Variants in FIG4 observed in about 807,000 individuals in gnomAD.
The protein encoded by FIG4 is polyphosphoinositide phosphatase.
In FIG4, 112 loss-of-function variants were observed where a neutral mutation model predicts 118.6. That is an observed-to-expected ratio of 0.94 (90% CI 0.81 to 1.11). FIG4 has a LOEUF of 1.11. Ranked by LOEUF, FIG4 falls within the 50% of genes least tolerant of loss-of-function variation. The pLI, the probability that FIG4 is intolerant of heterozygous loss-of-function variation, is 0.00. For missense variants in FIG4, 969 were observed against 1,111.7 expected, an observed-to-expected ratio of 0.87 and a Z score of 1.83; for synonymous variants, 369 against 381.2, an observed-to-expected ratio of 0.97 and a Z score of 0.37.
At chr6:109,716,190 C>A (rs574650253) in intron 2 of FIG4, among the ~76,000 whole-genome samples, 2 of 152,134 alleles carry the variant, frequency 1.3e-5, no homozygotes, top group Non-Finnish European at 2.9e-5. Flanking sequence ...TCCCTTAAAT[C>A]TCTGCATCTC....
At chr6:109,760,542 AT>A (rs1049508840) in intron 11 of FIG4, among the ~76,000 whole-genome samples, 159 bp downstream of exon 11, 4 of 151,474 alleles carry the variant, frequency 2.6e-5, no homozygotes, top group South Asian at 4.2e-4. Flanking sequence ...CTAACCAAAC[AT>A]TTTTTTTTCT....
chr6:109,762,170 C>T lies in FIG4; in HGVS notation c.1351C>T (p.Pro451Ser), dbSNP rs766437033. 4.3e-6 allele frequency: 7 copies of T among 1,612,524 alleles called. No individual in the cohort carries two copies. Among genetic ancestry groups the T allele is most frequent in the Non-Finnish European group, 5.9e-6 (7 of 1,178,644 alleles). ...VKKTGFFVNR[P>S]DSYCSILRPD... The stretch of plus-strand genomic sequence containing the variant: ...GAAAACAGGTTTCTTTGTAAACCGC[C>T]CTGATTCTTACTGTAGCATTTTGCG... Residue 451 changes from proline (P) to serine (S), a missense_variant, in exon 12 of 23, where the codon CCT (proline) becomes TCT (serine). Physicochemically the swap from Pro to Ser is moderately conservative, Grantham distance 74. This residue lies in a region of FIG4 where 246 missense variants were observed against 354.3 expected (regional missense o/e 0.69). Coordinates refer to ENST00000230124, the MANE Select transcript of FIG4 (RefSeq NM_014845.6).
intron 7 of FIG4, among the ~76,000 whole-genome samples, chr6:109,741,036 G>T (rs1236896561): frequency 2.0e-5 from 3 of 152,114 alleles, no homozygotes; most frequent in African/African-American, 7.2e-5. Context: ...CCTCCATGAT[G>T]CAATCACCTC....
At chr6:109,724,245 A>G (rs1269086955) in intron 3 of FIG4, among the ~76,000 whole-genome samples, 1 of 152,102 alleles carries the variant, frequency 6.6e-6, no homozygotes, top group Non-Finnish European at 1.5e-5. Context: ...TTCTTAGTCC[A>G]GTATTATTTG....
intron 16 of FIG4, among the ~76,000 whole-genome samples, chr6:109,780,013 A>G (rs1355458648): frequency 6.6e-6 from 1 of 152,212 alleles, no homozygotes; most frequent in African/African-American, 2.4e-5. Context: ...TAAACCCTGT[A>G]CTGAAGTAGC....
chr6:109,785,656 T>G (rs1284769310), intron 17 of FIG4: 1 of 470,860 alleles, frequency 2.1e-6, no homozygotes, highest in South Asian at 1.5e-5. Context: ...CAAGCTCATT[T>G]TCCATTTGGT....
chr6:109,712,968 C>T (rs558638294), intron 1 of FIG4, among the ~76,000 whole-genome samples: 3 of 152,164 alleles, frequency 2.0e-5, no homozygotes, highest in South Asian at 2.1e-4. Flanking sequence ...TGGATTCAGT[C>T]GACAGGTATT....
intron 10 of FIG4, among the ~76,000 whole-genome samples, chr6:109,744,258 A>C (rs2128387179): frequency 6.6e-6 from 1 of 152,238 alleles, no homozygotes; most frequent in African/African-American, 2.4e-5. Flanking sequence ...TCAGGTGGGC[A>C]TGTGAGAAGC....
chr6:109,823,821 G>A (rs78532720), intron 22 of FIG4, among the ~76,000 whole-genome samples: 8,538 of 152,240 alleles, frequency 0.056, 274 homozygotes, highest in South Asian at 0.16. Context: ...TTCTTTCCCT[G>A]TGTTATCTTG....
chr6:109,743,350 T>A, intron 9 of FIG4, 78 bp downstream of exon 9: 1 of 1,434,724 alleles, frequency 7.0e-7, no homozygotes, highest in Non-Finnish European at 9.8e-7. Flanking sequence ...AGAAATCTCA[T>A]AAATGCTTAG....
intron 8 of FIG4, among the ~76,000 whole-genome samples, chr6:109,742,212 T>C (rs1176232816): frequency 2.6e-5 from 4 of 152,006 alleles, no homozygotes; most frequent in Non-Finnish European, 4.4e-5. Flanking sequence ...TCCACCCAAG[T>C]AGAAGGCAGC....
At position 109,787,936 on chromosome 6, in the gene FIG4, C is replaced by T. The variant is rs893889372; in HGVS notation, c.2096+1487C>T. Among the ~76,000 whole-genome samples the T allele has an allele frequency of 4.6e-5, 7 of 152,100 alleles. No individual in the cohort carries two copies. The South Asian group carries it at 6.2e-4, about 13-fold the overall frequency. Reference sequence around the variant, plus strand: ...CCCTGCCTTATAATGATTCAACTTACGATTTTTCAGCTTTACAATGGTGCA... The same window carrying T: ...CCCTGCCTTATAATGATTCAACTTATGATTTTTCAGCTTTACAATGGTGCA... On this transcript the variant is annotated intron_variant, in intron 18 of 22. Transcript: ENST00000230124.
At chr6:109,732,826 T>C in intron 5 of FIG4, 139 bp downstream of exon 5, 1 of 591,566 alleles carries the variant, frequency 1.7e-6, no homozygotes, top group Non-Finnish European at 3.0e-6. Context: ...CATTAAAATA[T>C]AGCTATTTCT....
intron 3 of FIG4, among the ~76,000 whole-genome samples, chr6:109,726,132 T>C (rs1393841417): frequency 6.6e-6 from 1 of 151,784 alleles, no homozygotes; most frequent in African/African-American, 2.4e-5. Flanking sequence ...TTTTGGCTTT[T>C]ATTGCCATTG....
intron 10 of FIG4, among the ~76,000 whole-genome samples, chr6:109,748,763 A>G (rs915055110): frequency 1.3e-5 from 2 of 152,130 alleles, no homozygotes; most frequent in African/African-American, 4.8e-5. Flanking sequence ...GGCGGCAGAC[A>G]AGAGAGAATG....
intron 1 of FIG4, among the ~76,000 whole-genome samples, chr6:109,713,127 G>A (rs1775319879): frequency 6.6e-6 from 1 of 152,208 alleles, no homozygotes; most frequent in African/African-American, 2.4e-5. Context: ...AACGTGTAGT[G>A]ACTGCTGGTC....
At chr6:109,762,399 G>T (rs1395056028) in intron 12 of FIG4, among the ~76,000 whole-genome samples, 192 bp downstream of exon 12, 1 of 151,818 alleles carries the variant, frequency 6.6e-6, no homozygotes, top group Non-Finnish European at 1.5e-5. Flanking sequence ...CATACCTTGA[G>T]ATGTAAGCCA....
intron 20 of FIG4, 62 bp downstream of exon 20, chr6:109,791,633 C>A: frequency 1.4e-6 from 2 of 1,472,988 alleles, no homozygotes; most frequent in Non-Finnish European, 9.5e-7. Flanking sequence ...CTTTACAACT[C>A]CGCTTTCAGT....
At chr6:109,752,332 G>C (rs12181598) in intron 10 of FIG4, among the ~76,000 whole-genome samples, 2 of 148,726 alleles carry the variant, frequency 1.3e-5, no homozygotes, top group African/African-American at 2.5e-5. Context: ...AGCATGATTT[G>C]TAGTCCTTTG....
Sources: allele counts gnomAD v4.1 joint callset (sites outside exome capture counted in the v4.1 genomes callset), GRCh38; gene constraint gnomAD v4.1.1; regional missense constraint gnomAD v4.1.1; transcripts MANE v1.5; gene names NCBI Gene and HGNC (gene_info 2026-07-23, HGNC 2026-07-21).